The following TACR3 variants were observed in gnomAD, a reference collection of about 807,000 sequenced individuals.
TACR3 encodes the protein tachykinin receptor 3, also known as neuromedin-K receptor.
A neutral mutation model predicts 35.0 loss-of-function variants in TACR3; 34 were observed. The ratio of observed to expected loss-of-function variants is 0.97; its 90% CI spans 0.74 to 1.30. The LOEUF is 1.30. Among genes scored for constraint, TACR3 ranks in the 50% most tolerant of loss-of-function variants. The pLI is 0.00. For missense variants in TACR3, 558 were observed against 591.7 expected (o/e 0.94, Z 0.59); for synonymous variants, 233 against 221.1 (o/e 1.05, Z -0.48).
intron 3 of TACR3, among the ~76,000 whole-genome samples, chr4:103,640,527 G>A (rs959310219): frequency 6.6e-6 from 1 of 151,736 alleles, no homozygotes; most frequent in South Asian, 2.1e-4. Flanking sequence ...TTGTTTTCTT[G>A]TTGTTGGTTT....
rs559836454 is a variant in TACR3 at position 103,639,591 on chromosome 4, T to A, written c.888+16603A>T. Among the ~76,000 whole-genome samples the A allele has an allele frequency of 9.9e-5, 15 of 151,904 alleles. No homozygotes were observed. The South Asian group carries it at 3.1e-3, about 32-fold the overall frequency. On this transcript the variant is annotated intron_variant, in intron 3 of 4. Transcript: ENST00000304883. ...ATGTACCCTAAAACTTAAAGTATAA[T>A]AATAAAATAAAATGAAAAAAAGAAA... is the stretch of plus-strand genomic sequence containing the variant.
intron 3 of TACR3, among the ~76,000 whole-genome samples, chr4:103,654,861 G>A (rs2110328852): frequency 6.6e-6 from 1 of 152,138 alleles, no homozygotes; most frequent in Admixed American, 6.5e-5. Flanking sequence ...TTCAACATGA[G>A]CAAGATGTTA....
At chr4:103,610,081 G>C (rs1270473839) in intron 3 of TACR3, among the ~76,000 whole-genome samples, 1 of 152,030 alleles carries the variant, frequency 6.6e-6, no homozygotes, top group East Asian at 1.9e-4. Context: ...ATAAATATAG[G>C]AGTGCAGGTA....
chr4:103,645,046 A>G (rs2110322171), intron 3 of TACR3, among the ~76,000 whole-genome samples: 1 of 151,868 alleles, frequency 6.6e-6, no homozygotes, highest in East Asian at 1.9e-4. Flanking sequence ...CATAAAGATA[A>G]ATAAATTGGC....
intron 3 of TACR3, among the ~76,000 whole-genome samples, chr4:103,641,595 GTATTA>G (rs1238783802): frequency 6.6e-6 from 1 of 151,828 alleles, no homozygotes; most frequent in African/African-American, 2.4e-5. Context: ...AATTAAACAA[GTATTA>G]TCTGATTCAG....
chr4:103,604,858 T>A (rs1298917013), intron 3 of TACR3, among the ~76,000 whole-genome samples: 1 of 151,508 alleles, frequency 6.6e-6, no homozygotes, highest in Non-Finnish European at 1.5e-5. Flanking sequence ...ACTTTAAGTT[T>A]TAGGGTACAT....
At chr4:103,595,107 T>A (rs1723977397) in intron 3 of TACR3, among the ~76,000 whole-genome samples, 1 of 152,134 alleles carries the variant, frequency 6.6e-6, no homozygotes, top group African/African-American at 2.4e-5. Flanking sequence ...AAGAGCTCTT[T>A]GAAGCATGAA....
intron 1 of TACR3, among the ~76,000 whole-genome samples, chr4:103,700,179 G>A (rs1311069683): frequency 6.6e-6 from 1 of 152,078 alleles, no homozygotes; most frequent in Non-Finnish European, 1.5e-5. Flanking sequence ...TTTCTGTGGT[G>A]TAAATACTTC....
At chr4:103,613,861 A>T (rs1269638562) in intron 3 of TACR3, among the ~76,000 whole-genome samples, 2 of 151,900 alleles carry the variant, frequency 1.3e-5, no homozygotes, top group African/African-American at 4.8e-5. Flanking sequence ...TTTTTGGTAC[A>T]GGAGGAGAGG....
At chr4:103,700,670 C>A (rs1231574183) in intron 1 of TACR3, among the ~76,000 whole-genome samples, 1 of 152,162 alleles carries the variant, frequency 6.6e-6, no homozygotes, top group Non-Finnish European at 1.5e-5. Flanking sequence ...TTATGTCAGA[C>A]ATCAAATGTG....
At chr4:103,653,186 T>G (rs1012949560) in intron 3 of TACR3, among the ~76,000 whole-genome samples, 5 of 152,140 alleles carry the variant, frequency 3.3e-5, no homozygotes, top group Admixed American at 3.3e-4. Context: ...AATGTCTTAC[T>G]TTTTTGAAAT....
chr4:103,697,565 C>G (rs1332268729), intron 1 of TACR3, among the ~76,000 whole-genome samples: 1 of 151,980 alleles, frequency 6.6e-6, no homozygotes, highest in Non-Finnish European at 1.5e-5. Flanking sequence ...ACTGGGACTA[C>G]AGGCGCCCGC....
chr4:103,613,945 G>T (rs1266508968), intron 3 of TACR3, among the ~76,000 whole-genome samples: 3 of 152,108 alleles, frequency 2.0e-5, no homozygotes, highest in Non-Finnish European at 2.9e-5. Flanking sequence ...GAGAACTCTG[G>T]CATCTCCTCT....
chr4:103,719,826 T>C lies in TACR3; in HGVS notation c.-151A>G. ...TGAAAGATACTGCAATCCCTGCTGG[T>C]TAGGGGATGCAGCTGGGGCTAAGGG... On this transcript the variant is annotated 5_prime_UTR_variant, in exon 1 of 5. Coordinates refer to ENST00000304883, the MANE Select transcript of TACR3 (RefSeq NM_001059.3). 1 of 1,031,318 alleles carries C rather than the reference T, an allele frequency of 9.7e-7. No homozygotes were observed. Among genetic ancestry groups the C allele is most frequent in the Admixed American group, 2.2e-5 (1 of 44,556 alleles). The allele number at this position is 1,031,318 out of a possible 1,614,324, so 63.9% of individuals were successfully genotyped here. A position where few individuals can be genotyped will look rare whatever the true frequency, so the allele number is the denominator to read the frequency against.
chr4:103,700,477 C>A (rs1009511592), intron 1 of TACR3, among the ~76,000 whole-genome samples: 2 of 152,106 alleles, frequency 1.3e-5, no homozygotes, highest in African/African-American at 4.8e-5. Flanking sequence ...TATTAAAATC[C>A]TGTGTGACAT....
chr4:103,599,246 C>A (rs1485223347), intron 3 of TACR3, among the ~76,000 whole-genome samples: 10 of 147,208 alleles, frequency 6.8e-5, no homozygotes, highest in African/African-American at 1.4e-4. Flanking sequence ...CATGATTTGG[C>A]TCTCTGTTTG....
At position 103,591,560 on chromosome 4, in the gene TACR3, A is replaced by C; in HGVS notation, c.1012T>G (p.Tyr338Asp). 1 of 1,613,950 alleles carries C rather than the reference A, an allele frequency of 6.2e-7. No individual in the cohort carries two copies. Among genetic ancestry groups the C allele is most frequent in the Non-Finnish European group, 8.5e-7 (1 of 1,179,858 alleles). ...LNRWKYIQQV[Y>D]LASFWLAMSS... ...ATTGCCAGCCAAAAGCTAGCCAGGT[A>C]GACCTGCTGGATGTATTTCCATCTA... is the stretch of plus-strand genomic sequence containing the variant. Residue 338 changes from tyrosine (Y) to aspartate (D), a missense_variant, in exon 4 of 5, where the codon TAC becomes GAC. Coordinates refer to ENST00000304883, the MANE Select transcript of TACR3 (RefSeq NM_001059.3).
intron 3 of TACR3, among the ~76,000 whole-genome samples, chr4:103,597,499 C>T (rs1326553755): frequency 6.6e-6 from 1 of 152,022 alleles, no homozygotes; most frequent in African/African-American, 2.4e-5. Flanking sequence ...TACAAGTGCA[C>T]AACGTGCAGG....
At chr4:103,592,926 A>G (rs1039693871) in intron 3 of TACR3, among the ~76,000 whole-genome samples, 2 of 152,204 alleles carry the variant, frequency 1.3e-5, no homozygotes, top group African/African-American at 2.4e-5. Context: ...GGTGGCCAGC[A>G]TTGAGCAGAT....
Sources: gnomAD v4.1 joint callset for allele counts (sites outside exome capture counted in the v4.1 genomes callset) on GRCh38, gnomAD v4.1.1 for gene constraint, MANE v1.5 for transcripts, NCBI Gene and HGNC (gene_info 2026-07-23, HGNC 2026-07-21) for gene names.